The following KMT2E variants were observed in gnomAD, a reference collection of about 807,000 sequenced individuals.
KMT2E encodes lysine methyltransferase 2E (inactive).
A neutral mutation model predicts 184.6 loss-of-function variants in KMT2E; 30 were observed. The observed-to-expected ratio is 0.16, with a 90% CI of 0.12 to 0.22. KMT2E has a LOEUF of 0.22. Among genes scored for constraint, KMT2E ranks in the 10% least tolerant of loss-of-function variants. KMT2E has a pLI of 1.00. For synonymous variants in KMT2E, 815 were observed against 776.5 expected (o/e 1.05, Z -0.82); for missense variants, 2,023 against 2,237.4 (o/e 0.90, Z 1.93).
At chr7:105,021,956 T>C (rs778439396) in intron 1 of KMT2E, among the ~76,000 whole-genome samples, 1 of 152,218 alleles carries the variant, frequency 6.6e-6, no homozygotes, top group Non-Finnish European at 1.5e-5. Context: ...TCTTATACTG[T>C]GTACCAAGAT....
At chr7:105,052,499 A>AT (rs1796389651) in intron 3 of KMT2E, among the ~76,000 whole-genome samples, 1 of 152,178 alleles carries the variant, frequency 6.6e-6, no homozygotes, top group Non-Finnish European at 1.5e-5. Flanking sequence ...AGGGTTTGGC[A>AT]TATAGTAAGC....
chr7:105,097,311 A>G (rs1017597515), intron 15 of KMT2E, among the ~76,000 whole-genome samples: 13 of 152,162 alleles, frequency 8.5e-5, no homozygotes, highest in Non-Finnish European at 1.5e-4. Flanking sequence ...CTCTAATTGT[A>G]GAGACTGGGA....
At chr7:105,040,614 T>G (rs1412203526) in intron 2 of KMT2E, among the ~76,000 whole-genome samples, 2 of 152,236 alleles carry the variant, frequency 1.3e-5, no homozygotes, top group African/African-American at 4.8e-5. Context: ...TATGCCGTAG[T>G]AATCTTCTTG....
Position 105,089,895 on chromosome 7 carries a change from T to TATA in KMT2E, c.1359-111_1359-109dup. 2.1e-6 allele frequency: 3 copies of TATA among 1,455,410 alleles called. No individual in the cohort carries two copies. In the East Asian group the frequency reaches 7.4e-5, roughly 36 times the overall value. 90.2% of individuals were successfully genotyped at this position (1,455,410 alleles called of 1,614,324 possible). A position where few individuals can be genotyped will look rare whatever the true frequency, so the allele number is the denominator to read the frequency against. On this transcript the variant is annotated intron_variant, in intron 13 of 26. Coordinates refer to ENST00000311117, the MANE Select transcript of KMT2E (RefSeq NM_182931.3). Reference sequence around the variant, plus strand: ...ATGTAAATTACTAAAAAGGATTGCTTATAATTAATAGTAATTGCATACAAT... The same window carrying TATA: ...ATGTAAATTACTAAAAAGGATTGCTTATAATAATTAATAGTAATTGCATACAAT...
intron 3 of KMT2E, among the ~76,000 whole-genome samples, chr7:105,053,547 T>G (rs1796432470): frequency 6.6e-6 from 1 of 152,200 alleles, no homozygotes; most frequent in African/African-American, 2.4e-5. Flanking sequence ...GAATTTATAG[T>G]AATGTGCTAT....
chr7:105,072,634 C>T (rs1017165249), intron 6 of KMT2E, among the ~76,000 whole-genome samples: 1 of 152,062 alleles, frequency 6.6e-6, no homozygotes, highest in African/African-American at 2.4e-5. Flanking sequence ...AAGTATTTCA[C>T]TTAACTGTTA....
chr7:105,063,348 C>T lies in KMT2E; in HGVS notation c.187-3C>T, dbSNP rs1299577458. ...TGTGCTATATTTGTGTTTAATTATT[C>T]AGGACCATAATTATGGTGCTCGTCC... On this transcript the variant is annotated splice_polypyrimidine_tract_variant and splice_region_variant and intron_variant, in intron 4 of 26. Coordinates refer to ENST00000311117, the MANE Select transcript of KMT2E (RefSeq NM_182931.3). The T allele has an allele frequency of 1.3e-6, 2 of 1,577,476 alleles. No individual in the cohort carries two copies. The highest frequency in any genetic ancestry group is 2.3e-5 in the South Asian group (2 of 87,610).
At chr7:105,065,740 CTG>C (rs1477248775) in intron 5 of KMT2E, among the ~76,000 whole-genome samples, 1 of 152,130 alleles carries the variant, frequency 6.6e-6, no homozygotes, top group Admixed American at 6.6e-5. Context: ...TATTTTCAGA[CTG>C]TGGTTGAACA....
chr7:105,111,981 C>G lies in KMT2E; in HGVS notation c.4225C>G (p.Gln1409Glu), dbSNP rs1584816929. ...LQQKQLSNNNQALSKNHPPQT... is the reference protein window; with the variant it reads ...LQQKQLSNNNEALSKNHPPQT... ...ACAAAAACAGCTATCAAATAACAACCAAGCACTTTCAAAGAATCATCCTCC... is the reference window on the plus strand; with the variant it reads ...ACAAAAACAGCTATCAAATAACAACGAAGCACTTTCAAAGAATCATCCTCC... The change falls in exon 27 of 27, where the codon CAA (glutamine) becomes GAA (glutamate). Residue 1409 changes from glutamine (Q) to glutamate (E), a missense_variant. Gln to Glu is a conservative substitution (Grantham distance 29). Transcript: ENST00000311117. 3 of 1,614,154 alleles carry G rather than the reference C, an allele frequency of 1.9e-6. No homozygotes were observed. Among genetic ancestry groups the G allele is most frequent in the East Asian group, 4.5e-5 (2 of 44,882 alleles).
intron 3 of KMT2E, among the ~76,000 whole-genome samples, chr7:105,057,977 G>A (rs11973516): frequency 0.29 from 43,525 of 152,036 alleles, 8,699 homozygotes; most frequent in East Asian, 0.64. Flanking sequence ...CACACATTGC[G>A]TTTGCTTGAA....
chr7:105,089,933 C>A, intron 13 of KMT2E, 76 bp from the exon 14 acceptor site: 1 of 1,549,858 alleles, frequency 6.5e-7, no homozygotes, highest in South Asian at 1.3e-5. Context: ...TGTGGAGTTG[C>A]AGCTTAAAAT....
At position 105,063,554 on chromosome 7, in the gene KMT2E, A is replaced by G. The variant is rs1796906279; in HGVS notation, c.390A>G (p.Gly130=). 1 of 1,604,830 alleles carries G rather than the reference A, an allele frequency of 6.2e-7. No homozygotes were observed. The highest frequency in any genetic ancestry group is 1.3e-5 in the African/African-American group (1 of 74,688). The change falls in exon 5 of 27, where the codon GGA becomes GGG. Residue 130 remains glycine, a synonymous_variant. Transcript: ENST00000311117. ...RCICGFTHDD[G]YMICCDKCSV... ...TATGTGGTTTTACACATGATGATGG[A>G]TACATGATCTGTTGTGACAAATGCA... is the stretch of plus-strand genomic sequence containing the variant.
chr7:105,113,025 A>G lies in KMT2E; in HGVS notation c.5269A>G (p.Thr1757Ala), dbSNP rs371472598. ...PPLFPSSAHP[T>A]VPPYPSQATH... ...ACTTTTTCCTTCGAGTGCTCATCCAACTGTACCACCGTATCCCTCACAAGC... is the reference window on the plus strand; with the variant it reads ...ACTTTTTCCTTCGAGTGCTCATCCAGCTGTACCACCGTATCCCTCACAAGC... Residue 1757 changes from threonine to alanine, a missense_variant, in exon 27 of 27, where the codon ACT becomes GCT. Thr to Ala is a moderately conservative substitution (Grantham distance 58). Coordinates refer to ENST00000311117, the MANE Select transcript of KMT2E (RefSeq NM_182931.3). 2.5e-5 allele frequency: 40 copies of G among 1,613,714 alleles called. No homozygotes were observed. Among genetic ancestry groups the G allele is most frequent in the South Asian group, 5.5e-5 (5 of 91,048 alleles).
chr7:105,100,191 G>GT (rs1798593563), intron 15 of KMT2E, among the ~76,000 whole-genome samples: 1 of 152,170 alleles, frequency 6.6e-6, no homozygotes, highest in South Asian at 2.1e-4. Flanking sequence ...GAAATTTGCT[G>GT]TAACAAATTA....
In KMT2E at chr7:105,110,464, G is replaced by A; in HGVS notation, c.3845-13G>A. 1.2e-6 allele frequency: 2 copies of A among 1,614,076 alleles called. No homozygotes were observed. Among genetic ancestry groups the A allele is most frequent in the Non-Finnish European group, 1.7e-6 (2 of 1,179,998 alleles). On this transcript the variant is annotated splice_polypyrimidine_tract_variant and intron_variant, in intron 24 of 26. Transcript: ENST00000311117. Reference sequence around the variant, plus strand: ...CTAATGTTCTCTTTGGGTCTGCTCTGCTTCATCTCTAGGGGGAGAATCACC... The same window carrying A: ...CTAATGTTCTCTTTGGGTCTGCTCTACTTCATCTCTAGGGGGAGAATCACC...
intron 12 of KMT2E, among the ~76,000 whole-genome samples, chr7:105,079,981 C>A (rs1797693712): frequency 6.6e-6 from 1 of 151,734 alleles, no homozygotes; most frequent in Admixed American, 6.6e-5. Flanking sequence ...GTAGCTGGGA[C>A]CACAGGTGCG....
chr7:105,102,097 TAGAACC>T lies in KMT2E; in HGVS notation c.2104_2109del (p.Pro702_Glu703del). The T allele has an allele frequency of 1.2e-6, 2 of 1,613,518 alleles. No homozygotes were observed. Among genetic ancestry groups the T allele is most frequent in the Non-Finnish European group, 1.7e-6 (2 of 1,179,580 alleles). ...GATATTGAAAATACTGTACTTACAA[TAGAACC>T]AGAAACTGAAACTGCACTAGCAGAA... On this transcript the variant is annotated inframe_deletion, in exon 17 of 27. Transcript: ENST00000311117.
In KMT2E at chr7:105,035,537, G is replaced by A. The variant is rs751429010; in HGVS notation, c.-188-2589G>A. Among the ~76,000 whole-genome samples the A allele has an allele frequency of 5.1e-4, 77 of 151,430 alleles. 1 individual carries two copies. Among genetic ancestry groups the A allele is most frequent in the Middle Eastern group, 6.8e-3 (2 of 294 alleles). ...ATTCACCCAAGTTGTTGCCTGTATT[G>A]ATAGTTTGTTCCTTTATATTGCTGA... On this transcript the variant is annotated intron_variant, in intron 1 of 26. Coordinates refer to ENST00000311117, the MANE Select transcript of KMT2E (RefSeq NM_182931.3).
At chr7:105,083,785 C>A (rs748623587) in intron 13 of KMT2E, among the ~76,000 whole-genome samples, 7 of 152,184 alleles carry the variant, frequency 4.6e-5, no homozygotes, top group Non-Finnish European at 8.8e-5. Context: ...TCTTTCTCCT[C>A]AGTGATTTTC....
Sources: allele counts gnomAD v4.1 joint callset (sites outside exome capture counted in the v4.1 genomes callset), GRCh38; gene constraint gnomAD v4.1.1; transcripts MANE v1.5; gene names NCBI Gene and HGNC (gene_info 2026-07-23, HGNC 2026-07-21).